Variants in GRM7 observed in about 807,000 individuals in gnomAD.
GRM7 encodes the protein glutamate metabotropic receptor 7, also known as metabotropic glutamate receptor 7.
A neutral mutation model predicts 84.5 loss-of-function variants in GRM7; 35 were observed. That is an observed-to-expected ratio of 0.41 (90% CI 0.32 to 0.55). The LOEUF is 0.55. GRM7 is among the 20% of genes least tolerant of loss of function. GRM7 has a pLI of 0.19. For synonymous variants in GRM7, 487 were observed against 455.1 expected, an observed-to-expected ratio of 1.07 and a Z score of -0.89; for missense variants, 1,003 against 1,194.6, an observed-to-expected ratio of 0.84 and a Z score of 2.36.
In GRM7 at chr3:7,157,127, C is replaced by T. The variant is rs181919665; in HGVS notation, c.736+10459C>T. Among the ~76,000 whole-genome samples the T allele has an allele frequency of 2.0e-4, 31 of 152,222 alleles. No individual in the cohort carries two copies. In the East Asian group the frequency reaches 5.2e-3, roughly 26 times the overall value. On this transcript the variant is annotated intron_variant, in intron 2 of 9. Transcript: ENST00000357716. Reference sequence around the variant, plus strand: ...TCAGGGTACCACCAGAAGGATGAGTCAGCTCCAACTCCATGGAGGCCTTCA... The same window carrying T: ...TCAGGGTACCACCAGAAGGATGAGTTAGCTCCAACTCCATGGAGGCCTTCA...
rs185280076 is a variant in GRM7, at chr3:7,290,611, G to T, written c.737-8073G>T. On this transcript the variant is annotated intron_variant, in intron 2 of 9. Transcript: ENST00000357716. The stretch of plus-strand genomic sequence containing the variant: ...GTGGTCCTCACTGGCAGGGGACAGA[G>T]AATTTTTTATCTAAGCATTCAGTTT... Among the ~76,000 whole-genome samples the T allele has an allele frequency of 5.3e-5, 8 of 152,294 alleles. No individual in the cohort carries two copies. The East Asian group carries it at 1.5e-3, about 29-fold the overall frequency.
chr3:7,061,112 C>A (rs1195850361), intron 1 of GRM7, among the ~76,000 whole-genome samples: 5 of 151,752 alleles, frequency 3.3e-5, no homozygotes, highest in Admixed American at 2.6e-4. Flanking sequence ...TGGGCAGACT[C>A]TTGAAGACCA....
chr3:7,343,441 T>G (rs772459666), intron 4 of GRM7, among the ~76,000 whole-genome samples: 2 of 152,056 alleles, frequency 1.3e-5, no homozygotes, highest in African/African-American at 2.4e-5. Context: ...ATCAAACTCC[T>G]GAGCTCAAGC....
intron 1 of GRM7, among the ~76,000 whole-genome samples, chr3:6,993,528 A>G (rs1694722566): frequency 6.6e-6 from 1 of 152,340 alleles, no homozygotes; most frequent in South Asian, 2.1e-4. Flanking sequence ...AGAAGAAAGC[A>G]TTAGATGCCC....
At chr3:7,549,643 A>T (rs1275110864) in intron 7 of GRM7, among the ~76,000 whole-genome samples, 2 of 152,188 alleles carry the variant, frequency 1.3e-5, no homozygotes, top group Non-Finnish European at 2.9e-5. Context: ...TATCTTTTTC[A>T]AAATAGGCAA....
chr3:7,302,045 G>C (rs1183683934), intron 3 of GRM7, among the ~76,000 whole-genome samples: 1 of 151,790 alleles, frequency 6.6e-6, no homozygotes, highest in South Asian at 2.1e-4. Flanking sequence ...GATTATAAAA[G>C]GAACACATGC....
chr3:7,073,786 C>T (rs1043947385), intron 1 of GRM7, among the ~76,000 whole-genome samples: 3 of 151,970 alleles, frequency 2.0e-5, no homozygotes, highest in Middle Eastern at 3.2e-3. Context: ...AGTTTCTGAC[C>T]CTCATGTACA....
chr3:7,034,257 A>G (rs1696295680), intron 1 of GRM7, among the ~76,000 whole-genome samples: 1 of 152,002 alleles, frequency 6.6e-6, no homozygotes, highest in African/African-American at 2.4e-5. Flanking sequence ...TTCTGATCTC[A>G]TCCCCAGAAG....
At chr3:7,042,245 G>A (rs1566370) in intron 1 of GRM7, among the ~76,000 whole-genome samples, 2 of 152,096 alleles carry the variant, frequency 1.3e-5, no homozygotes, top group Non-Finnish European at 2.9e-5. Context: ...TAAAAGCATA[G>A]GAATTGAATT....
intron 1 of GRM7, among the ~76,000 whole-genome samples, chr3:7,126,525 T>A (rs1693406657): frequency 6.6e-6 from 1 of 152,200 alleles, no homozygotes; most frequent in South Asian, 2.1e-4. Context: ...TGATAATGCT[T>A]GGAAATGCCT....
intron 4 of GRM7, among the ~76,000 whole-genome samples, chr3:7,312,811 T>G (rs1347569367): frequency 6.6e-6 from 1 of 152,024 alleles, no homozygotes; most frequent in Admixed American, 6.6e-5. Flanking sequence ...TAACATTTTA[T>G]CCAAACCAGA....
intron 7 of GRM7, among the ~76,000 whole-genome samples, chr3:7,554,473 G>A (rs970524378): frequency 1.9e-4 from 29 of 152,152 alleles, no homozygotes; most frequent in Admixed American, 2.6e-4. Flanking sequence ...TGACAACATC[G>A]AATGAGTAAT....
Position 7,605,476 on chromosome 3 carries a change from A to T in GRM7, c.2451+26119A>T, listed in dbSNP as rs1257557955. ...AGAGGGAATGCTATATACGATTTAT[A>T]CAAATAGTGAACATAATTTTCACAG... On this transcript the variant is annotated intron_variant, in intron 8 of 9. Coordinates refer to ENST00000357716, the MANE Select transcript of GRM7 (RefSeq NM_000844.4). 3.9e-5 allele frequency among the ~76,000 whole-genome samples: 6 copies of T among 152,224 alleles called. No individual in the cohort carries two copies. The South Asian group carries it at 1.2e-3, about 32-fold the overall frequency.
intron 1 of GRM7, among the ~76,000 whole-genome samples, chr3:7,113,774 A>G (rs1692938851): frequency 6.6e-6 from 1 of 152,176 alleles, no homozygotes; most frequent in African/African-American, 2.4e-5. Flanking sequence ...CTCATGAGCC[A>G]TCACCAGAAT....
At chr3:6,872,202 C>T (rs1695144145) in intron 1 of GRM7, among the ~76,000 whole-genome samples, 1 of 152,166 alleles carries the variant, frequency 6.6e-6, no homozygotes, top group African/African-American at 2.4e-5. Flanking sequence ...TCCCGCCATC[C>T]TTATGAGGAG....
At chr3:7,291,198 T>C (rs1699608440) in intron 2 of GRM7, among the ~76,000 whole-genome samples, 1 of 152,146 alleles carries the variant, frequency 6.6e-6, no homozygotes. Flanking sequence ...TGGAATGTTT[T>C]GAGGCAAAGA....
chr3:7,023,728 T>C (rs76839398), intron 1 of GRM7, among the ~76,000 whole-genome samples: 4,274 of 152,222 alleles, frequency 0.028, 214 homozygotes, highest in African/African-American at 0.097. Context: ...TCACACAGTG[T>C]TCTCCCTGTG....
intron 1 of GRM7, among the ~76,000 whole-genome samples, chr3:6,982,709 T>C (rs1694255917): frequency 6.6e-6 from 1 of 152,192 alleles, no homozygotes; most frequent in South Asian, 2.1e-4. Context: ...CTTGTCCTTT[T>C]GAGACTTCCA....
At chr3:7,077,294 T>C (rs1249548161) in intron 1 of GRM7, among the ~76,000 whole-genome samples, 5 of 152,206 alleles carry the variant, frequency 3.3e-5, no homozygotes, top group African/African-American at 4.8e-5. Flanking sequence ...TGCAGCACTG[T>C]TCACAATAGC....
Sources: allele counts gnomAD v4.1 joint callset (sites outside exome capture counted in the v4.1 genomes callset), GRCh38; gene constraint gnomAD v4.1.1; transcripts MANE v1.5; gene names NCBI Gene and HGNC (gene_info 2026-07-23, HGNC 2026-07-21).